Variants in UNC5A observed in about 807,000 individuals in gnomAD.
UNC5A encodes the protein unc-5 netrin receptor A.
In UNC5A, 20 loss-of-function variants were observed where a neutral mutation model predicts 87.4. That is an observed-to-expected ratio of 0.23 (90% CI 0.16 to 0.33). The LOEUF (loss-of-function observed/expected upper bound fraction) is 0.33, where lower values mean the gene tolerates loss of function less well. UNC5A is among the 10% of genes least tolerant of loss of function. The probability of loss-of-function intolerance (pLI) is 1.00; values close to 1 mark genes in which losing one functional copy is unlikely to be tolerated. For missense variants in UNC5A, 844 were observed against 1,133.4 expected (o/e 0.74, Z 3.67); for synonymous variants, 438 against 482.3 (o/e 0.91, Z 1.20).
intron 1 of UNC5A, among the ~76,000 whole-genome samples, chr5:176,857,771 C>T (rs1757702980): frequency 1.3e-5 from 2 of 152,206 alleles, no homozygotes; most frequent in African/African-American, 4.8e-5. Context: ...CTGACCAAGT[C>T]CTGTAGTTCC....
rs1317444739 is a variant in UNC5A at position 176,875,814 on chromosome 5, G to A, written c.1378+1248G>A. Among the ~76,000 whole-genome samples, 1 of 152,036 alleles carries A rather than the reference G, an allele frequency of 6.6e-6. No homozygotes were observed. Among genetic ancestry groups the A allele is most frequent in the Non-Finnish European group, 1.5e-5 (1 of 67,984 alleles). On this transcript the variant is annotated intron_variant, in intron 8 of 14. Coordinates refer to ENST00000329542, the MANE Select transcript of UNC5A (RefSeq NM_133369.3). This position sits in a 1 kb window ranked among gnomAD's most constrained non-coding sequence, Gnocchi z 5.2. ...CACGGTGCTGCCCTCTGCATGCACC[G>A]ACCCCCTGCCCCTCCCACCAGCTCA...
chr5:176,856,463 C>G (rs1232270360), intron 1 of UNC5A, among the ~76,000 whole-genome samples: 1 of 152,164 alleles, frequency 6.6e-6, no homozygotes, highest in Non-Finnish European at 1.5e-5. Context: ...GTCATTCAGT[C>G]ACGCAACAAA....
At chr5:176,812,986 A>T (rs1756502350) in intron 1 of UNC5A, among the ~76,000 whole-genome samples, 1 of 152,112 alleles carries the variant, frequency 6.6e-6, no homozygotes, top group Admixed American at 6.5e-5. Context: ...TGAGGGAGGG[A>T]TGGCCAGCGG....
Position 176,874,581 on chromosome 5 carries a change from AG to A in UNC5A, c.1378+20del. 2 of 1,510,972 alleles carry A rather than the reference AG, an allele frequency of 1.3e-6. No homozygotes were observed. The highest frequency in any genetic ancestry group is 1.8e-6 in the Non-Finnish European group (2 of 1,126,118). The allele number at this position is 1,510,972 out of a possible 1,614,324, so 93.6% of individuals were successfully genotyped here. A position where few individuals can be genotyped will look rare whatever the true frequency, so the allele number is the denominator to read the frequency against. On this transcript the variant is annotated intron_variant, in intron 8 of 14. Transcript: ENST00000329542. This position sits in a 1 kb window ranked among gnomAD's most constrained non-coding sequence, Gnocchi z 7.6. ...CCCTAATACAGGTAGGAAGGACCCC[AG>A]GGGGCTCTGAGAGCTCCACTTCCCT...
rs1417248538 is a variant in UNC5A at position 176,862,653 on chromosome 5, C to T, written c.100C>T (p.Pro34Ser). The T allele has an allele frequency of 6.2e-7, 1 of 1,613,584 alleles. No homozygotes were observed. Among genetic ancestry groups the T allele is most frequent in the Admixed American group, 1.7e-5 (1 of 60,034 alleles). Residue 34 changes from proline (P) to serine (S), a missense_variant, in exon 2 of 15, where the codon CCA becomes TCA. Physicochemically the swap from Pro to Ser is moderately conservative, Grantham distance 74. Coordinates refer to ENST00000329542, the MANE Select transcript of UNC5A (RefSeq NM_133369.3). ...CCAGCAGAGTGCCACCGTGGCCAAC[C>T]CAGTGCCTGGTGCCAACCCGGACCT... is the stretch of plus-strand genomic sequence containing the variant. ...GAQQSATVAN[P>S]VPGANPDLLP...
intron 1 of UNC5A, among the ~76,000 whole-genome samples, chr5:176,811,465 G>C (rs1468167953): frequency 3.3e-5 from 5 of 152,212 alleles, no homozygotes; most frequent in Admixed American, 3.3e-4. Flanking sequence ...TCCCTGGTGC[G>C]GGGGGCCAGA....
In UNC5A at chr5:176,868,985, G is replaced by A. The variant is rs542620591; in HGVS notation, c.721+21G>A. 12 of 1,579,902 alleles carry A rather than the reference G, an allele frequency of 7.6e-6. No individual in the cohort carries two copies. In the East Asian group the frequency reaches 1.4e-4, roughly 18 times the overall value. On this transcript the variant is annotated intron_variant, in intron 5 of 14. Transcript: ENST00000329542. ...CTACGGTGGGCCCCGGGACTCCCTG[G>A]TCACAGGGAGAGGCACTGCGGTGCC...
chr5:176,879,611 A>G, intron 14 of UNC5A, 110 bp from the exon 15 acceptor site: 1 of 1,547,782 alleles, frequency 6.5e-7, no homozygotes, highest in Non-Finnish European at 8.7e-7. Flanking sequence ...TGGCCGGGGC[A>G]GTCATTGTGT....
rs1757126224 is a variant in UNC5A, at chr5:176,835,291, T to C, written c.70+24471T>C. On this transcript the variant is annotated intron_variant, in intron 1 of 14. Coordinates refer to ENST00000329542, the MANE Select transcript of UNC5A (RefSeq NM_133369.3). ...TCCTGCAGGCTCGGAAAGCAGGCCCTGGGGGCTCAGGGCCACCTGCCAGGC... is the reference window on the plus strand; with the variant it reads ...TCCTGCAGGCTCGGAAAGCAGGCCCCGGGGGCTCAGGGCCACCTGCCAGGC... 2.0e-5 allele frequency among the ~76,000 whole-genome samples: 3 copies of C among 152,314 alleles called. No individual in the cohort carries two copies. In the South Asian group the frequency reaches 6.2e-4, roughly 32 times the overall value.
rs1757265903 is a variant in UNC5A, at chr5:176,841,103, A to AG, written c.71-21520dup. Among the ~76,000 whole-genome samples the AG allele has an allele frequency of 6.6e-6, 1 of 152,274 alleles. No individual in the cohort carries two copies. Among genetic ancestry groups the AG allele is most frequent in the Non-Finnish European group, 1.5e-5 (1 of 68,054 alleles). On this transcript the variant is annotated intron_variant, in intron 1 of 14. Coordinates refer to ENST00000329542, the MANE Select transcript of UNC5A (RefSeq NM_133369.3). This position sits in a 1 kb window ranked among gnomAD's most constrained non-coding sequence, Gnocchi z 4.1. The stretch of plus-strand genomic sequence containing the variant: ...AGCTGTGGCAGGCAACGGGAGTGTC[A>AG]GAAACTGTTCTCATCTCTTCAGCTA...
At chr5:176,853,931 C>T (rs1451123233) in intron 1 of UNC5A, among the ~76,000 whole-genome samples, 2 of 152,238 alleles carry the variant, frequency 1.3e-5, no homozygotes, top group African/African-American at 4.8e-5. Context: ...CGAAAAACCT[C>T]ATCCGCTATT....
chr5:176,867,600 G>A (rs768897938), intron 2 of UNC5A, among the ~76,000 whole-genome samples: 1 of 152,196 alleles, frequency 6.6e-6, no homozygotes, highest in Non-Finnish European at 1.5e-5. Flanking sequence ...GTCCCAGGGC[G>A]CTAGCATCAT....
intron 1 of UNC5A, among the ~76,000 whole-genome samples, chr5:176,849,158 C>T (rs193271552): frequency 3.7e-4 from 57 of 152,364 alleles, no homozygotes; most frequent in African/African-American, 1.3e-3. Flanking sequence ...AGGCCTTGGA[C>T]ACTGCCCAGT....
chr5:176,818,837 C>A (rs1195548099), intron 1 of UNC5A, among the ~76,000 whole-genome samples: 4 of 152,204 alleles, frequency 2.6e-5, no homozygotes, highest in Non-Finnish European at 4.4e-5. Context: ...CCTGACCCCA[C>A]CTAGTGTGCT....
At chr5:176,859,091 A>G (rs376333958) in intron 1 of UNC5A, among the ~76,000 whole-genome samples, 24 of 148,006 alleles carry the variant, frequency 1.6e-4, no homozygotes, top group East Asian at 5.9e-4. Context: ...TAGAGGGCAT[A>G]GCTGCTAGAA....
At chr5:176,857,979 C>T (rs1757707641) in intron 1 of UNC5A, among the ~76,000 whole-genome samples, 1 of 152,204 alleles carries the variant, frequency 6.6e-6, no homozygotes, top group Non-Finnish European at 1.5e-5. Flanking sequence ...CCCATACCTG[C>T]CTGCTGTCCT....
chr5:176,855,737 A>T (rs952194877), intron 1 of UNC5A, among the ~76,000 whole-genome samples: 1 of 152,204 alleles, frequency 6.6e-6, no homozygotes, highest in African/African-American at 2.4e-5. Flanking sequence ...AGAGCGGGGA[A>T]CCCAGGCCCT....
In UNC5A at chr5:176,865,879, G is replaced by A. The variant is rs1757963655; in HGVS notation, c.293-2251G>A. Among the ~76,000 whole-genome samples the A allele has an allele frequency of 6.6e-6, 1 of 152,160 alleles. No individual in the cohort carries two copies. Among genetic ancestry groups the A allele is most frequent in the African/African-American group, 2.4e-5 (1 of 41,430 alleles). ...CAGGGGGCAGGGACCAAGGCCTGAA[G>A]TGCTGGAACCCAAACCTGCTAACAC... On this transcript the variant is annotated intron_variant, in intron 2 of 14. Coordinates refer to ENST00000329542, the MANE Select transcript of UNC5A (RefSeq NM_133369.3). The surrounding 1 kb of genome is among the most constrained non-coding windows in gnomAD (Gnocchi z 5.3).
chr5:176,877,815 T>C, intron 10 of UNC5A, 79 bp from the exon 11 acceptor site: 1 of 1,515,884 alleles, frequency 6.6e-7, no homozygotes, highest in Non-Finnish European at 8.9e-7. Context: ...CTCCCCAGTC[T>C]CCGGCCACTT....
Sources: allele counts gnomAD v4.1 joint callset (sites outside exome capture counted in the v4.1 genomes callset), GRCh38; gene constraint gnomAD v4.1.1; non-coding constraint Gnocchi (gnomAD v3.1); transcripts MANE v1.5; gene names NCBI Gene and HGNC (gene_info 2026-07-23, HGNC 2026-07-21).